The following KCND3 variants were observed in gnomAD, a reference collection of about 807,000 sequenced individuals.
KCND3 encodes the protein potassium voltage-gated channel subfamily D member 3, also known as A-type voltage-gated potassium channel KCND3.
A neutral mutation model predicts 51.1 loss-of-function variants in KCND3; 9 were observed. That is an observed-to-expected ratio of 0.18 (90% CI 0.11 to 0.31). KCND3 has a LOEUF of 0.31. Ranked by LOEUF, KCND3 falls within the 10% of genes least tolerant of loss-of-function variation. The probability of loss-of-function intolerance (pLI) is 1.00; values close to 1 mark genes in which losing one functional copy is unlikely to be tolerated. For missense variants in KCND3, 526 were observed against 903.8 expected (o/e 0.58, Z 5.36); for synonymous variants, 349 against 368.0 (o/e 0.95, Z 0.59).
intron 2 of KCND3, among the ~76,000 whole-genome samples, chr1:111,809,190 T>G (rs1665719106): frequency 6.6e-6 from 1 of 152,202 alleles, no homozygotes; most frequent in South Asian, 2.1e-4. Flanking sequence ...GGAAGTAGCT[T>G]TGTGCAGGCA....
intron 2 of KCND3, among the ~76,000 whole-genome samples, chr1:111,898,468 G>A (rs992944852): frequency 6.6e-6 from 1 of 152,132 alleles, no homozygotes; most frequent in Non-Finnish European, 1.5e-5. Flanking sequence ...TACAATTGGT[G>A]GTGCACGTGG....
At chr1:111,854,856 G>A (rs143235607) in intron 2 of KCND3, among the ~76,000 whole-genome samples, 38 of 152,238 alleles carry the variant, frequency 2.5e-4, no homozygotes, top group Non-Finnish European at 4.3e-4. Flanking sequence ...TCCTGGTGCC[G>A]GGCTACTCTT....
intron 2 of KCND3, among the ~76,000 whole-genome samples, chr1:111,867,902 C>T (rs1668649660): frequency 6.6e-6 from 1 of 152,208 alleles, no homozygotes; most frequent in Non-Finnish European, 1.5e-5. Context: ...CAATTCTGGT[C>T]TTACATACAC....
intron 2 of KCND3, among the ~76,000 whole-genome samples, chr1:111,840,844 A>G (rs1667292532): frequency 1.3e-5 from 2 of 152,102 alleles, no homozygotes; most frequent in South Asian, 4.1e-4. Flanking sequence ...CTGCTCCTCT[A>G]GCTTCCCATC....
chr1:111,797,739 G>C (rs935223128), intron 2 of KCND3, among the ~76,000 whole-genome samples: 1 of 152,306 alleles, frequency 6.6e-6, no homozygotes, highest in Admixed American at 6.5e-5. Flanking sequence ...TTACTGGCTG[G>C]AGTAAAGGGT....
chr1:111,950,058 A>C (rs986464058), intron 2 of KCND3, among the ~76,000 whole-genome samples: 1 of 152,064 alleles, frequency 6.6e-6, no homozygotes, highest in Non-Finnish European at 1.5e-5. Context: ...TTACAGGTGC[A>C]TGCCACCATA....
At chr1:111,938,419 CAG>C (rs1459469406) in intron 2 of KCND3, among the ~76,000 whole-genome samples, 1 of 152,130 alleles carries the variant, frequency 6.6e-6, no homozygotes, top group Non-Finnish European at 1.5e-5. Flanking sequence ...AGGCTAGAGT[CAG>C]AATGTAATAG....
chr1:111,775,827 A>ACCCCC lies in KCND3; in HGVS notation c.*249_*250insGGGGG. ...CCCCCGGCCTATCCCCGACCCCCCC[A>ACCCCC]CCCTCCCTCCCTTCCTCTGGCCCCA... On this transcript the variant is annotated 3_prime_UTR_variant, in exon 8 of 8. Transcript: ENST00000302127. 4 of 75,850 alleles carry ACCCCC rather than the reference A, an allele frequency of 5.3e-5. No individual in the cohort carries two copies. The highest frequency in any genetic ancestry group is 9.5e-5 in the South Asian group (1 of 10,570). 4.7% of individuals were successfully genotyped at this position (75,850 alleles called of 1,614,324 possible).
chr1:111,781,355 T>C (rs1187241890), intron 3 of KCND3, among the ~76,000 whole-genome samples: 2 of 152,248 alleles, frequency 1.3e-5, no homozygotes, highest in East Asian at 1.9e-4. Flanking sequence ...ATATTTTTCT[T>C]GATACTTTCT....
At chr1:111,916,324 A>G (rs1671215396) in intron 2 of KCND3, among the ~76,000 whole-genome samples, 2 of 152,214 alleles carry the variant, frequency 1.3e-5, no homozygotes, top group African/African-American at 4.8e-5. Context: ...TTAAAAACCC[A>G]TAAGTCAAAT....
chr1:111,866,263 C>CTTTTTTTTTT (rs11399761), intron 2 of KCND3, among the ~76,000 whole-genome samples: 16 of 54,214 alleles, frequency 3.0e-4, no homozygotes, highest in African/African-American at 4.1e-4. Flanking sequence ...CTTTTCTTTT[C>CTTTTTTTTTT]TTTTTTTTTT....
At chr1:111,802,806 C>T (rs1352958975) in intron 2 of KCND3, among the ~76,000 whole-genome samples, 3 of 152,356 alleles carry the variant, frequency 2.0e-5, no homozygotes, top group East Asian at 1.9e-4. Flanking sequence ...AATGTTTCAA[C>T]TGAGCTGTGG....
intron 2 of KCND3, among the ~76,000 whole-genome samples, chr1:111,805,963 G>C (rs77634763): frequency 1.3e-5 from 2 of 152,314 alleles, no homozygotes; most frequent in African/African-American, 4.8e-5. Flanking sequence ...AACATGAGGT[G>C]AGCCAGAGGA....
At chr1:111,926,185 AT>A (rs1424012114) in intron 2 of KCND3, among the ~76,000 whole-genome samples, 1 of 152,144 alleles carries the variant, frequency 6.6e-6, no homozygotes, top group African/African-American at 2.4e-5. Context: ...GTTGGGGGAC[AT>A]TAGTTCCCAT....
At chr1:111,877,105 A>C (rs777930255) in intron 2 of KCND3, among the ~76,000 whole-genome samples, 7 of 152,218 alleles carry the variant, frequency 4.6e-5, no homozygotes, top group Non-Finnish European at 8.8e-5. Flanking sequence ...TCTGTCCTCA[A>C]GAAATGGATG....
chr1:111,800,552 T>TAA (rs71580591), intron 2 of KCND3, among the ~76,000 whole-genome samples: 1 of 126,282 alleles, frequency 7.9e-6, no homozygotes, highest in Non-Finnish European at 1.8e-5. Context: ...AAAATAAATT[T>TAA]AAAAAAAAAA....
At chr1:111,803,004 G>A (rs930990665) in intron 2 of KCND3, among the ~76,000 whole-genome samples, 2 of 152,266 alleles carry the variant, frequency 1.3e-5, no homozygotes, top group African/African-American at 4.8e-5. Context: ...CCCTGAGGCT[G>A]TGTGGGGTGA....
intron 2 of KCND3, among the ~76,000 whole-genome samples, chr1:111,790,377 C>T (rs1276302534): frequency 6.6e-6 from 1 of 152,148 alleles, no homozygotes; most frequent in Non-Finnish European, 1.5e-5. Context: ...GTAGTGGGCA[C>T]CTATTTTGTC....
At chr1:111,899,846 G>A (rs1245724131) in intron 2 of KCND3, among the ~76,000 whole-genome samples, 1 of 152,130 alleles carries the variant, frequency 6.6e-6, no homozygotes, top group Non-Finnish European at 1.5e-5. Context: ...CTAAGAAGGA[G>A]GAGTGTGATA....
Sources: gnomAD v4.1 joint callset for allele counts (sites outside exome capture counted in the v4.1 genomes callset) on GRCh38, gnomAD v4.1.1 for gene constraint, MANE v1.5 for transcripts, NCBI Gene and HGNC (gene_info 2026-07-23, HGNC 2026-07-21) for gene names.